NAA20: variants seen among roughly 807,000 people sequenced by gnomAD.
The protein encoded by NAA20 is N-alpha-acetyltransferase 20, NatB catalytic subunit.
NAA20 carries 24 observed loss-of-function variants against 23.8 expected under a neutral mutation model. That is an observed-to-expected ratio of 1.01 (90% CI 0.73 to 1.42). NAA20 has a LOEUF of 1.42. Ranked by LOEUF, NAA20 falls within the 40% of genes most tolerant of loss-of-function variation. The pLI, the probability that NAA20 is intolerant of heterozygous loss-of-function variation, is 0.00. For missense variants in NAA20, 166 were observed against 223.1 expected (o/e 0.74, Z 1.63); for synonymous variants, 83 against 77.7 (o/e 1.07, Z -0.36).
intron 4 of NAA20, among the ~76,000 whole-genome samples, chr20:20,031,679 T>G (rs930396254): frequency 1.3e-5 from 2 of 152,136 alleles, no homozygotes; most frequent in Non-Finnish European, 1.5e-5. Flanking sequence ...GTATTGAATA[T>G]TCACAATACA....
intron 4 of NAA20, 58 bp from the exon 5 acceptor site, chr20:20,032,450 A>G (rs1315328635): frequency 2.6e-6 from 4 of 1,550,786 alleles, no homozygotes; most frequent in East Asian, 2.3e-5. Flanking sequence ...ATATGTATCT[A>G]TTACTTTCTA....
intron 1 of NAA20, chr20:20,018,074 C>G (rs1183759522): frequency 2.5e-6 from 4 of 1,614,052 alleles, no homozygotes; most frequent in Non-Finnish European, 3.4e-6. Flanking sequence ...ACTGTAGCTG[C>G]GCACCCCGGT....
chr20:20,032,651 A>C lies in NAA20; in HGVS notation c.449A>C (p.Tyr150Ser). 1 of 1,597,372 alleles carries C rather than the reference A, an allele frequency of 6.3e-7. No homozygotes were observed. The highest frequency in any genetic ancestry group is 8.5e-7 in the Non-Finnish European group (1 of 1,173,540). Residue 150 changes from tyrosine to serine, a missense_variant and splice_region_variant, in exon 5 of 6, where the codon TAT (tyrosine) becomes TCT (serine). Transcript: ENST00000334982. The stretch of plus-strand genomic sequence containing the variant: ...AACGGGGAGCCTGATGAGGACGCTT[A>C]TGGTAAGCTCCCTTCCATGGCAGTA... ...ASNGEPDEDAYDMRKALSRDT... is the reference protein window; with the variant it reads ...ASNGEPDEDASDMRKALSRDT...
At chr20:20,023,892 CT>C (rs1299314449) in intron 2 of NAA20, among the ~76,000 whole-genome samples, 12 of 152,182 alleles carry the variant, frequency 7.9e-5, no homozygotes, top group Admixed American at 2.0e-4. Context: ...CCAGAAGGCA[CT>C]TTGGAAATAG....
At chr20:20,028,091 G>A (rs2043318660) in intron 4 of NAA20, among the ~76,000 whole-genome samples, 1 of 152,222 alleles carries the variant, frequency 6.6e-6, no homozygotes, top group Non-Finnish European at 1.5e-5. Flanking sequence ...CTCATTCAGA[G>A]AAGAAATTGT....
At chr20:20,022,997 G>A (rs75638463) in intron 2 of NAA20, among the ~76,000 whole-genome samples, 5,979 of 152,202 alleles carry the variant, frequency 0.039, 431 homozygotes, top group African/African-American at 0.14. Context: ...AGGTGAGGGT[G>A]TTCTTCCCTT....
At chr20:20,018,262 GTTGGAGGAATTTCACCATGTGCTT>G in intron 1 of NAA20, 4 of 600,442 alleles carry the variant, frequency 6.7e-6, no homozygotes, top group East Asian at 5.6e-5. Flanking sequence ...ATTTAGAAAA[GTTGGAGGAATTTCACCATGTGCTT>G]TTATAGACAC....
rs747567134 is a variant in NAA20, at chr20:20,032,629, G to C, written c.427G>C (p.Gly143Arg). ...TVIEYYSASN[G>R]EPDEDAYDMR... Reference sequence around the variant, plus strand: ...CATAGAGTACTATTCGGCCAGCAACGGGGAGCCTGATGAGGACGCTTATGG... The same window carrying C: ...CATAGAGTACTATTCGGCCAGCAACCGGGAGCCTGATGAGGACGCTTATGG... Residue 143 changes from glycine to arginine, a missense_variant, in exon 5 of 6, where the codon GGG becomes CGG. Transcript: ENST00000334982. 1.9e-6 allele frequency: 3 copies of C among 1,604,588 alleles called. No individual in the cohort carries two copies. Among genetic ancestry groups the C allele is most frequent in the Non-Finnish European group, 2.6e-6 (3 of 1,175,874 alleles).
intron 2 of NAA20, among the ~76,000 whole-genome samples, chr20:20,024,962 A>G (rs1415097601): frequency 6.6e-6 from 1 of 152,234 alleles, no homozygotes; most frequent in Non-Finnish European, 1.5e-5. Flanking sequence ...TTCATCCATT[A>G]AAGTACAGAG....
At chr20:20,018,113 C>A in intron 1 of NAA20, 2 of 1,607,024 alleles carry the variant, frequency 1.2e-6, no homozygotes, top group Non-Finnish European at 1.7e-6. Context: ...TGAGGAGTCA[C>A]GGCAGATCTT....
chr20:20,031,838 A>T (rs968354929), intron 4 of NAA20, among the ~76,000 whole-genome samples: 1 of 152,236 alleles, frequency 6.6e-6, no homozygotes, highest in Non-Finnish European at 1.5e-5. Flanking sequence ...ACACTGTAAG[A>T]TTGGCAAAAA....
At chr20:20,024,137 C>T (rs150807349) in intron 2 of NAA20, among the ~76,000 whole-genome samples, 74 of 152,242 alleles carry the variant, frequency 4.9e-4, no homozygotes, top group African/African-American at 1.8e-3. Flanking sequence ...TGGCCTTTTA[C>T]AGAAAAAGTT....
At chr20:20,024,199 A>C (rs1175736146) in intron 2 of NAA20, among the ~76,000 whole-genome samples, 1 of 152,222 alleles carries the variant, frequency 6.6e-6, no homozygotes, top group Non-Finnish European at 1.5e-5. Flanking sequence ...CAGGAGAGTT[A>C]CTAAGCATTT....
rs138698843 is a variant in NAA20 at position 20,029,031 on chromosome 20, A to G, written c.305+2112A>G. Among the ~76,000 whole-genome samples, 795 of 152,148 alleles carry G rather than the reference A, an allele frequency of 5.2e-3. 5 individuals carry two copies. Among genetic ancestry groups the G allele is most frequent in the African/African-American group, 0.017 (725 of 41,510 alleles). ...TGCAACGTCTGCCTCCCAGGCTCAA[A>G]TGATTTTCCTCTCTCACCCTCTGAG... On this transcript the variant is annotated intron_variant, in intron 4 of 5. Coordinates refer to ENST00000334982, the MANE Select transcript of NAA20 (RefSeq NM_016100.5).
At chr20:20,029,132 T>C (rs1044842317) in intron 4 of NAA20, among the ~76,000 whole-genome samples, 4 of 152,186 alleles carry the variant, frequency 2.6e-5, no homozygotes, top group Non-Finnish European at 5.9e-5. Flanking sequence ...AGGCTGTCTG[T>C]ATTGTTTACA....
In NAA20 at chr20:20,032,500, T is replaced by C; in HGVS notation, c.306-8T>C. On this transcript the variant is annotated splice_region_variant and splice_polypyrimidine_tract_variant and intron_variant, in intron 4 of 5. Coordinates refer to ENST00000334982, the MANE Select transcript of NAA20 (RefSeq NM_016100.5). ...CTAACATTTTCCTTTTTTGTTTTTC[T>C]TTTAAAGAAAGGGTGGATTTTTTGT... is the stretch of plus-strand genomic sequence containing the variant. 1.2e-6 allele frequency: 2 copies of C among 1,607,318 alleles called. No homozygotes were observed. The highest frequency in any genetic ancestry group is 1.7e-6 in the Non-Finnish European group (2 of 1,177,986).
At position 20,017,753 on chromosome 20, in the gene NAA20, A is replaced by G. The variant is rs529608780; in HGVS notation, c.53+304A>G. The G allele has an allele frequency of 8.9e-4, 1,280 of 1,433,182 alleles. 2 individuals are homozygous for G. The highest frequency in any genetic ancestry group is 1.1e-3 in the Non-Finnish European group (1,179 of 1,099,082). 88.8% of individuals were successfully genotyped at this position (1,433,182 alleles called of 1,614,324 possible). A position where few individuals can be genotyped will look rare whatever the true frequency, so the allele number is the denominator to read the frequency against. ...CGGGCCTCCGCTCGTGGTCGCTGTC[A>G]GGAGGCGCTGGGGTGATGGGGCGAG... On this transcript the variant is annotated intron_variant, in intron 1 of 5. Transcript: ENST00000334982.
chr20:20,019,376 A>T (rs2043252817), intron 1 of NAA20, among the ~76,000 whole-genome samples: 2 of 152,180 alleles, frequency 1.3e-5, no homozygotes, highest in South Asian at 2.1e-4. Context: ...GAGGTGCAGC[A>T]TGGGAGGTGA....
chr20:20,023,312 CAAAAAAAAAA>C (rs377441191), intron 2 of NAA20, among the ~76,000 whole-genome samples: 1 of 115,754 alleles, frequency 8.6e-6, no homozygotes, highest in African/African-American at 3.6e-5. Flanking sequence ...GACTCCGTCT[CAAAAAAAAAA>C]AAAAAAGGAG....
Sources: gnomAD v4.1 joint callset for allele counts (sites outside exome capture counted in the v4.1 genomes callset) on GRCh38, gnomAD v4.1.1 for gene constraint, MANE v1.5 for transcripts, NCBI Gene and HGNC (gene_info 2026-07-23, HGNC 2026-07-21) for gene names.